RLBP1: variants seen among roughly 807,000 people sequenced by gnomAD.
RLBP1 encodes the protein retinaldehyde-binding protein 1.
In RLBP1, 26 loss-of-function variants were observed where a neutral mutation model predicts 36.2. The observed-to-expected ratio is 0.72, with a 90% CI of 0.53 to 1.00. RLBP1 has a LOEUF of 1.00. Among genes scored for constraint, RLBP1 ranks in the 50% least tolerant of loss-of-function variants. The pLI, the probability that RLBP1 is intolerant of heterozygous loss-of-function variation, is 0.00. For missense variants in RLBP1, 410 were observed against 402.4 expected (o/e 1.02, Z -0.16); for synonymous variants, 155 against 156.2 (o/e 0.99, Z 0.06).
At position 89,214,004 on chromosome 15, in the gene RLBP1, T is replaced by G. The variant is rs1360693793; in HGVS notation, c.525+1056A>C. On this transcript the variant is annotated intron_variant, in intron 6 of 8. Coordinates refer to ENST00000268125, the MANE Select transcript of RLBP1 (RefSeq NM_000326.5). The surrounding 1 kb of genome is among the most constrained non-coding windows in gnomAD (Gnocchi z 4.6). Reference sequence around the variant, plus strand: ...CTCTATCATCGAAACAGTATGATATTGGAGTATGAATAGATAAAGAGACCA... The same window carrying G: ...CTCTATCATCGAAACAGTATGATATGGGAGTATGAATAGATAAAGAGACCA... 3.3e-5 allele frequency among the ~76,000 whole-genome samples: 5 copies of G among 152,060 alleles called. No homozygotes were observed.
rs1332985147 is a variant in RLBP1, at chr15:89,210,542, G to T, written c.796-99C>A. 4.2e-6 allele frequency: 6 copies of T among 1,423,968 alleles called. 1 individual carries two copies. In the African/African-American group the frequency reaches 4.2e-5, roughly 10 times the overall value. 88.2% of individuals were successfully genotyped at this position (1,423,968 alleles called of 1,614,324 possible). A position where few individuals can be genotyped will look rare whatever the true frequency, so the allele number is the denominator to read the frequency against. ...GCAGGAGGACAAAGCCCCATCATGT[G>T]CAGTCTTTGCCTGGCGACACCTCTC... On this transcript the variant is annotated intron_variant, in intron 8 of 8. Transcript: ENST00000268125. This position sits in a 1 kb window ranked among gnomAD's most constrained non-coding sequence, Gnocchi z 4.7.
chr15:89,214,922 AGGTGGCAGGT>A lies in RLBP1; in HGVS notation c.525+128_525+137del. The A allele has an allele frequency of 1.2e-6, 1 of 847,360 alleles. No individual in the cohort carries two copies. Among genetic ancestry groups the A allele is most frequent in the Non-Finnish European group, 1.9e-6 (1 of 513,158 alleles). The allele number at this position is 847,360 out of a possible 1,614,324, so 52.5% of individuals were successfully genotyped here. A position where few individuals can be genotyped will look rare whatever the true frequency, so the allele number is the denominator to read the frequency against. ...ATTCTCTCCCTGCCTGGAAAGGGCTAGGTGGCAGGTGGCTGCCCACCTTTCCCCCTCTACA... is the reference window on the plus strand; with the variant it reads ...ATTCTCTCCCTGCCTGGAAAGGGCTAGGCTGCCCACCTTTCCCCCTCTACA... On this transcript the variant is annotated intron_variant, in intron 6 of 8. Transcript: ENST00000268125. This position sits in a 1 kb window ranked among gnomAD's most constrained non-coding sequence, Gnocchi z 4.6.
chr15:89,219,029 G>C lies in RLBP1; in HGVS notation c.-54C>G. On this transcript the variant is annotated 5_prime_UTR_variant, in exon 3 of 9. Coordinates refer to ENST00000268125, the MANE Select transcript of RLBP1 (RefSeq NM_000326.5). ...GAAAAAGAAGGGATCTGCTTTCTCTGTCCTGGCCTCTCCAGCCGGCCCCTT... is the reference window on the plus strand; with the variant it reads ...GAAAAAGAAGGGATCTGCTTTCTCTCTCCTGGCCTCTCCAGCCGGCCCCTT... 6.2e-7 allele frequency: 1 copy of C among 1,612,990 alleles called. No homozygotes were observed. The highest frequency in any genetic ancestry group is 8.5e-7 in the Non-Finnish European group (1 of 1,179,300).
chr15:89,215,165 A>T lies in RLBP1; in HGVS notation c.420T>A (p.Ile140=). 1 of 1,614,172 alleles carries T rather than the reference A, an allele frequency of 6.2e-7. No individual in the cohort carries two copies. Among genetic ancestry groups the T allele is most frequent in the Non-Finnish European group, 8.5e-7 (1 of 1,179,994 alleles). The change falls in exon 6 of 9, where the codon ATT becomes ATA. Residue 140 remains isoleucine (I), a synonymous_variant. Transcript: ENST00000268125. ...AGAGGACACCAGGGTAGCCAGCTTC[A>T]ATGGTGCAGCGGACAGCCTCTGGGG... is the stretch of plus-strand genomic sequence containing the variant. The part of the protein sequence containing the change: ...SLSPEAVRCT[I]EAGYPGVLSS...
At position 89,210,460 on chromosome 15, in the gene RLBP1, G is replaced by A. The variant is rs541432700; in HGVS notation, c.796-17C>T. On this transcript the variant is annotated splice_polypyrimidine_tract_variant and intron_variant, in intron 8 of 8. Coordinates refer to ENST00000268125, the MANE Select transcript of RLBP1 (RefSeq NM_000326.5). This position sits in a 1 kb window ranked among gnomAD's most constrained non-coding sequence, Gnocchi z 4.7. The stretch of plus-strand genomic sequence containing the variant: ...GACAAAGACCTGCAGGGAAGCAAGG[G>A]AGACAGAACTGAGCAGGAGGAGGTG... 2 of 1,614,060 alleles carry A rather than the reference G, an allele frequency of 1.2e-6. No individual in the cohort carries two copies. The highest frequency in any genetic ancestry group is 2.2e-5 in the East Asian group (1 of 44,884).
At position 89,218,524 on chromosome 15, in the gene RLBP1, C is replaced by T; in HGVS notation, c.141+41G>A. 1 of 1,613,896 alleles carries T rather than the reference C, an allele frequency of 6.2e-7. No homozygotes were observed. Among genetic ancestry groups the T allele is most frequent in the East Asian group, 2.2e-5 (1 of 44,886 alleles). ...ATGCAGTCATGTTCCCCTCATGTTG[C>T]CTCCCTAGGCTGCTCCTCTCCGCAC... is the stretch of plus-strand genomic sequence containing the variant. On this transcript the variant is annotated intron_variant, in intron 4 of 8. Transcript: ENST00000268125. The surrounding 1 kb of genome is among the most constrained non-coding windows in gnomAD (Gnocchi z 4.6).
Position 89,214,917 on chromosome 15 carries a change from G to A in RLBP1, c.525+143C>T. On this transcript the variant is annotated intron_variant, in intron 6 of 8. Transcript: ENST00000268125. This position sits in a 1 kb window ranked among gnomAD's most constrained non-coding sequence, Gnocchi z 4.6. Reference sequence around the variant, plus strand: ...TAGGAATTCTCTCCCTGCCTGGAAAGGGCTAGGTGGCAGGTGGCTGCCCAC... The same window carrying A: ...TAGGAATTCTCTCCCTGCCTGGAAAAGGCTAGGTGGCAGGTGGCTGCCCAC... 1 of 820,734 alleles carries A rather than the reference G, an allele frequency of 1.2e-6. No individual in the cohort carries two copies. The highest frequency in any genetic ancestry group is 1.5e-5 in the South Asian group (1 of 66,522). 50.8% of individuals were successfully genotyped at this position (820,734 alleles called of 1,614,324 possible). A position where few individuals can be genotyped will look rare whatever the true frequency, so the allele number is the denominator to read the frequency against.
In RLBP1 at chr15:89,210,116, T is replaced by C. The variant is rs1232663279; in HGVS notation, c.*169A>G. On this transcript the variant is annotated 3_prime_UTR_variant, in exon 9 of 9. Coordinates refer to ENST00000268125, the MANE Select transcript of RLBP1 (RefSeq NM_000326.5). The surrounding 1 kb of genome is among the most constrained non-coding windows in gnomAD (Gnocchi z 4.7). Reference sequence around the variant, plus strand: ...GTTCAAGGGAATTCCCCCTCCTTTATTACCCATCCCCCAACTTGAGAACAG... The same window carrying C: ...GTTCAAGGGAATTCCCCCTCCTTTACTACCCATCCCCCAACTTGAGAACAG... 2.8e-6 allele frequency: 2 copies of C among 714,846 alleles called. No homozygotes were observed. The highest frequency in any genetic ancestry group is 3.5e-5 in the African/African-American group (2 of 57,424). The allele number at this position is 714,846 out of a possible 1,614,324, so 44.3% of individuals were successfully genotyped here. A position where few individuals can be genotyped will look rare whatever the true frequency, so the allele number is the denominator to read the frequency against.
At position 89,218,433 on chromosome 15, in the gene RLBP1, C is replaced by T. The variant is rs3825991; in HGVS notation, c.141+132G>A. ...TGACCACCAGGAAGGACCTTAGAAC[C>T]GGCCAGTCTATCAGGTCCAGGATGA... On this transcript the variant is annotated intron_variant, in intron 4 of 8. Transcript: ENST00000268125. This position sits in a 1 kb window ranked among gnomAD's most constrained non-coding sequence, Gnocchi z 4.6. 8.9e-5 allele frequency: 121 copies of T among 1,359,708 alleles called. No homozygotes were observed. The East Asian group carries it at 1.1e-3, about 13-fold the overall frequency. The allele number at this position is 1,359,708 out of a possible 1,614,324, so 84.2% of individuals were successfully genotyped here. A position where few individuals can be genotyped will look rare whatever the true frequency, so the allele number is the denominator to read the frequency against.
At position 89,214,521 on chromosome 15, in the gene RLBP1, T is replaced by G. The variant is rs1179444173; in HGVS notation, c.525+539A>C. 1.3e-5 allele frequency among the ~76,000 whole-genome samples: 2 copies of G among 151,940 alleles called. No homozygotes were observed. The highest frequency in any genetic ancestry group is 4.8e-5 in the African/African-American group (2 of 41,372). Reference sequence around the variant, plus strand: ...CAGTTTTTTTTTTAAATTAAAGGAATCTTTTTCAGGCTCAGTGGCGCATGC... The same window carrying G: ...CAGTTTTTTTTTTAAATTAAAGGAAGCTTTTTCAGGCTCAGTGGCGCATGC... On this transcript the variant is annotated intron_variant, in intron 6 of 8. Transcript: ENST00000268125. This position sits in a 1 kb window ranked among gnomAD's most constrained non-coding sequence, Gnocchi z 4.6.
At chr15:89,220,087 A>G (rs1197224932) in intron 1 of RLBP1, among the ~76,000 whole-genome samples, 1 of 152,194 alleles carries the variant, frequency 6.6e-6, no homozygotes, top group African/African-American at 2.4e-5. Context: ...TTCCATGGTC[A>G]GTTCAATCAC....
rs1248985310 is a variant in RLBP1, at chr15:89,211,190, T to G, written c.685-381A>C. Among the ~76,000 whole-genome samples, 1 of 152,178 alleles carries G rather than the reference T, an allele frequency of 6.6e-6. No homozygotes were observed. Among genetic ancestry groups the G allele is most frequent in the Non-Finnish European group, 1.5e-5 (1 of 68,038 alleles). On this transcript the variant is annotated intron_variant, in intron 7 of 8. Coordinates refer to ENST00000268125, the MANE Select transcript of RLBP1 (RefSeq NM_000326.5). The surrounding 1 kb of genome is among the most constrained non-coding windows in gnomAD (Gnocchi z 5.8). Reference sequence around the variant, plus strand: ...ACAGGAACAGTATTATCATCCCTCATTGTCCATCAGCCCCTCCCACAACCT... The same window carrying G: ...ACAGGAACAGTATTATCATCCCTCAGTGTCCATCAGCCCCTCCCACAACCT...
In RLBP1 at chr15:89,217,338, G is replaced by A. The variant is rs1171999613; in HGVS notation, c.142-14C>T. 1.2e-6 allele frequency: 2 copies of A among 1,602,100 alleles called. No homozygotes were observed. The highest frequency in any genetic ancestry group is 1.7e-5 in the Admixed American group (1 of 60,000). On this transcript the variant is annotated splice_polypyrimidine_tract_variant and intron_variant, in intron 4 of 8. Coordinates refer to ENST00000268125, the MANE Select transcript of RLBP1 (RefSeq NM_000326.5). ...CTCATCCTTGGCCTAGAACAGGGTG[G>A]GGTGTGCATGAAGTTAAACTTAGGT...
In RLBP1 at chr15:89,215,062, C is replaced by T; in HGVS notation, c.523G>A (p.Glu175Lys). The T allele has an allele frequency of 6.2e-7, 1 of 1,614,216 alleles. No homozygotes were observed. The highest frequency in any genetic ancestry group is 2.2e-5 in the East Asian group (1 of 44,876). The change falls in exon 6 of 9, where the codon GAG becomes AAG. Residue 175 changes from glutamate (E) to lysine (K), a missense_variant and splice_region_variant. Physicochemically the swap from Glu to Lys is moderately conservative, Grantham distance 56. Coordinates refer to ENST00000268125, the MANE Select transcript of RLBP1 (RefSeq NM_000326.5). ...NWQSQEITFD[E>K]ILQAYCFILE... Reference sequence around the variant, plus strand: ...GAGCCAGGCGAGCCCCCACTAACCTCATCAAAGGTGATTTCTTGACTTTGC... The same window carrying T: ...GAGCCAGGCGAGCCCCCACTAACCTTATCAAAGGTGATTTCTTGACTTTGC...
rs369795298 is a variant in RLBP1 at position 89,215,254 on chromosome 15, C to A, written c.347-16G>T. 1.2e-6 allele frequency: 2 copies of A among 1,613,762 alleles called. No homozygotes were observed. Among genetic ancestry groups the A allele is most frequent in the African/African-American group, 2.7e-5 (2 of 74,914 alleles). On this transcript the variant is annotated splice_polypyrimidine_tract_variant and intron_variant, in intron 5 of 8. Transcript: ENST00000268125. ...TTCACATAGCCTGGAGGAAGGAGAG[C>A]AGAGGAACCCCCTCAGGGAGCCATC...
chr15:89,218,727 C>T lies in RLBP1; in HGVS notation c.13-34G>A, dbSNP rs1567124532. The T allele has an allele frequency of 6.2e-7, 1 of 1,612,344 alleles. No individual in the cohort carries two copies. Among genetic ancestry groups the T allele is most frequent in the East Asian group, 2.2e-5 (1 of 44,890 alleles). ...AGAAAGGAAAAAGAGGAACAGCCAA[C>T]CGCATCAGCCTGAGCCAGCCAGGGA... On this transcript the variant is annotated intron_variant, in intron 3 of 8. Transcript: ENST00000268125. This position sits in a 1 kb window ranked among gnomAD's most constrained non-coding sequence, Gnocchi z 4.6.
Position 89,218,734 on chromosome 15 carries a change from A to T in RLBP1, c.13-41T>A. Reference sequence around the variant, plus strand: ...AAAAAGAGGAACAGCCAACCGCATCAGCCTGAGCCAGCCAGGGAAATGGGC... The same window carrying T: ...AAAAAGAGGAACAGCCAACCGCATCTGCCTGAGCCAGCCAGGGAAATGGGC... On this transcript the variant is annotated intron_variant, in intron 3 of 8. Transcript: ENST00000268125. This position sits in a 1 kb window ranked among gnomAD's most constrained non-coding sequence, Gnocchi z 4.6. 6.2e-7 allele frequency: 1 copy of T among 1,611,510 alleles called. No homozygotes were observed. Among genetic ancestry groups the T allele is most frequent in the Non-Finnish European group, 8.5e-7 (1 of 1,179,988 alleles).
intron 5 of RLBP1, 126 bp downstream of exon 5, chr15:89,216,993 TG>T: frequency 2.2e-6 from 2 of 919,198 alleles, no homozygotes; most frequent in Non-Finnish European, 3.5e-6. Flanking sequence ...GGTAAGGATG[TG>T]GAGGCTCAGA....
In RLBP1 at chr15:89,210,101, A is replaced by C; in HGVS notation, c.*184T>G. The C allele has an allele frequency of 1.5e-6, 1 of 654,644 alleles. No individual in the cohort carries two copies. The highest frequency in any genetic ancestry group is 2.7e-6 in the Non-Finnish European group (1 of 369,814). 40.6% of individuals were successfully genotyped at this position (654,644 alleles called of 1,614,324 possible). ...TCCCCAGTTCTTCTTGTTCAAGGGA[A>C]TTCCCCCTCCTTTATTACCCATCCC... On this transcript the variant is annotated 3_prime_UTR_variant, in exon 9 of 9. Coordinates refer to ENST00000268125, the MANE Select transcript of RLBP1 (RefSeq NM_000326.5). This position sits in a 1 kb window ranked among gnomAD's most constrained non-coding sequence, Gnocchi z 4.7.
Sources: allele counts gnomAD v4.1 joint callset (sites outside exome capture counted in the v4.1 genomes callset), GRCh38; gene constraint gnomAD v4.1.1; non-coding constraint Gnocchi (gnomAD v3.1); transcripts MANE v1.5; gene names NCBI Gene and HGNC (gene_info 2026-07-23, HGNC 2026-07-21).